Variants in PCDHGA2 observed in about 807,000 individuals in gnomAD.
PCDHGA2 encodes protocadherin gamma subfamily A, 2.
PCDHGA2 carries 40 observed loss-of-function variants against 59.2 expected under a neutral mutation model. The ratio of observed to expected loss-of-function variants is 0.68; its 90% confidence interval spans 0.52 to 0.88. PCDHGA2 has a LOEUF of 0.88. Ranked by LOEUF, PCDHGA2 falls within the 40% of genes least tolerant of loss-of-function variation. PCDHGA2 has a pLI of 0.00. For synonymous variants in PCDHGA2, 560 were observed against 526.0 expected, an observed-to-expected ratio of 1.06 and a Z score of -0.89; for missense variants, 1,226 against 1,204.0, an observed-to-expected ratio of 1.02 and a Z score of -0.27.
chr5:141,509,872 G>T (rs968745661), intron 3 of PCDHGA2, among the ~76,000 whole-genome samples: 16 of 152,166 alleles, frequency 1.1e-4, no homozygotes, highest in Non-Finnish European at 1.5e-5. Context: ...CCAAGCTGCT[G>T]GTGGTGATGG....
In PCDHGA2 at chr5:141,340,211, C is replaced by G; in HGVS notation, c.1240C>G (p.Gln414Glu). 6.2e-7 allele frequency: 1 copy of G among 1,614,140 alleles called. No individual in the cohort carries two copies. The highest frequency in any genetic ancestry group is 1.1e-5 in the South Asian group (1 of 91,084). The change falls in exon 1 of 4, where the codon CAG (glutamine) becomes GAG (glutamate). Residue 414 changes from glutamine (Q) to glutamate (E), a missense_variant. Physicochemically the swap from Gln to Glu is conservative, Grantham distance 29 (BLOSUM62 2). Transcript: ENST00000394576. ...TACAACCAGAGCCCTTGACAGGGAA[C>G]AGTTTTCCTTTTACAACATCACTCT... is the stretch of plus-strand genomic sequence containing the variant. ...LVTTRALDRE[Q>E]FSFYNITLTA...
At chr5:141,503,005 G>A (rs915064303) in intron 2 of PCDHGA2, among the ~76,000 whole-genome samples, 16 of 145,340 alleles carry the variant, frequency 1.1e-4, no homozygotes, top group African/African-American at 2.3e-4. Flanking sequence ...CACCATGCCC[G>A]GTTAATTTTT....
At chr5:141,357,135 C>T in intron 1 of PCDHGA2, 2 of 1,613,502 alleles carry the variant, frequency 1.2e-6, no homozygotes. Flanking sequence ...TTGTAGTGGT[C>T]GTCCAGGACC....
intron 1 of PCDHGA2, chr5:141,365,824 G>A: frequency 1.2e-6 from 2 of 1,613,926 alleles, no homozygotes; most frequent in Non-Finnish European, 1.7e-6. Context: ...CATTTCAGGG[G>A]GCGCCCTTGT....
At chr5:141,351,495 C>G (rs750823337) in intron 1 of PCDHGA2, 6 of 1,613,980 alleles carry the variant, frequency 3.7e-6, no homozygotes, top group Non-Finnish European at 5.1e-6. Flanking sequence ...GAGCAGACAG[C>G]AGACTACAAC....
chr5:141,384,372 G>C, intron 1 of PCDHGA2: 1 of 1,613,854 alleles, frequency 6.2e-7, no homozygotes, highest in South Asian at 1.1e-5. Context: ...CTTATTCCTT[G>C]GCCGAAGACA....
intron 1 of PCDHGA2, chr5:141,394,651 A>G: frequency 6.2e-7 from 1 of 1,611,802 alleles, no homozygotes; most frequent in Admixed American, 1.7e-5. Flanking sequence ...AAGGCCAGCG[A>G]GCCGGGACTC....
rs753538822 is a variant in PCDHGA2, at chr5:141,476,676, G to C, written c.2425-18131G>C. 6 of 1,614,222 alleles carry C rather than the reference G, an allele frequency of 3.7e-6. No individual in the cohort carries two copies. Among genetic ancestry groups the C allele is most frequent in the Non-Finnish European group, 4.2e-6 (5 of 1,180,054 alleles). ...TACTTTGCGCTTCGCGTGCAGACGCGGGAGGACAGCACCAAGTACGCGGAG... is the reference window on the plus strand; with the variant it reads ...TACTTTGCGCTTCGCGTGCAGACGCCGGAGGACAGCACCAAGTACGCGGAG... On this transcript the variant is annotated intron_variant, in intron 1 of 3. Transcript: ENST00000394576. The surrounding 1 kb of genome is among the most constrained non-coding windows in gnomAD (Gnocchi z 7.6).
chr5:141,477,211 C>G lies in PCDHGA2; in HGVS notation c.2425-17596C>G. 2 of 1,614,154 alleles carry G rather than the reference C, an allele frequency of 1.2e-6. No individual in the cohort carries two copies. Among genetic ancestry groups the G allele is most frequent in the Non-Finnish European group, 1.7e-6 (2 of 1,180,036 alleles). On this transcript the variant is annotated intron_variant, in intron 1 of 3. Transcript: ENST00000394576. The surrounding 1 kb of genome is among the most constrained non-coding windows in gnomAD (Gnocchi z 4.9). ...TGTACAGCCCAGTACCCGAGGATGC[C>G]CCTCTGGGGACTGTCATCGCTTTGC...
intron 1 of PCDHGA2, among the ~76,000 whole-genome samples, chr5:141,347,171 CTTTCTTT>C: frequency 6.9e-6 from 1 of 144,420 alleles, no homozygotes; most frequent in South Asian, 2.2e-4. Context: ...TTCTTTCTTT[CTTTCTTT>C]CTTGACAGGG....
At chr5:141,392,751 A>T in intron 1 of PCDHGA2, 1 of 1,453,336 alleles carries the variant, frequency 6.9e-7, no homozygotes, top group South Asian at 1.5e-5. Flanking sequence ...CTGCGGCAAG[A>T]AACTAAATAA....
At chr5:141,415,656 T>C (rs1211470385) in intron 1 of PCDHGA2, 9 of 1,585,542 alleles carry the variant, frequency 5.7e-6, no homozygotes, top group African/African-American at 1.4e-5. Flanking sequence ...AAAAAAAGAT[T>C]GGTTTTTACT....
chr5:141,421,102 T>A (rs1420706532), intron 1 of PCDHGA2: 2 of 691,286 alleles, frequency 2.9e-6, no homozygotes, highest in Admixed American at 6.2e-5. Context: ...CACTGGAGAC[T>A]TAGAAGTATT....
At chr5:141,413,922 A>G (rs769177990) in intron 1 of PCDHGA2, 2 of 1,613,458 alleles carry the variant, frequency 1.2e-6, no homozygotes, top group Non-Finnish European at 1.7e-6. Context: ...TCACCTTGCC[A>G]GAATACCGAG....
Position 141,344,216 on chromosome 5 carries a change from G to A in PCDHGA2, c.2424+2821G>A, listed in dbSNP as rs199728541. 1.1e-3 allele frequency: 1,713 copies of A among 1,614,038 alleles called. 2 individuals carry two copies. The highest frequency in any genetic ancestry group is 1.4e-3 in the Non-Finnish European group (1,641 of 1,179,912). On this transcript the variant is annotated intron_variant, in intron 1 of 3. Transcript: ENST00000394576. Reference sequence around the variant, plus strand: ...GGCTAGAGCCCCGGGAGCTGGCGGAGCGCGGAGTCCGCATCGTCTCCAGAG... The same window carrying A: ...GGCTAGAGCCCCGGGAGCTGGCGGAACGCGGAGTCCGCATCGTCTCCAGAG...
At chr5:141,357,014 C>T in intron 1 of PCDHGA2, 2 of 1,614,130 alleles carry the variant, frequency 1.2e-6, no homozygotes, top group Non-Finnish European at 1.7e-6. Context: ...GCCTGGCTGT[C>T]CTACAGCCTA....
Position 141,341,398 on chromosome 5 carries a change from A to C in PCDHGA2, c.2424+3A>C, listed in dbSNP as rs1213840983. The stretch of plus-strand genomic sequence containing the variant: ...AAAGAGAAGAAACGTTTTCTCAGGT[A>C]ATCTATCTTTTCACAACATACGTAC... On this transcript the variant is annotated splice_donor_region_variant and intron_variant, in intron 1 of 3. Coordinates refer to ENST00000394576, the MANE Select transcript of PCDHGA2 (RefSeq NM_018915.4). 1.9e-6 allele frequency: 3 copies of C among 1,614,058 alleles called. No homozygotes were observed. In the African/African-American group the frequency reaches 4.0e-5, roughly 22 times the overall value.
chr5:141,448,515 T>C (rs1158968509), intron 1 of PCDHGA2, among the ~76,000 whole-genome samples: 1 of 152,212 alleles, frequency 6.6e-6, no homozygotes, highest in Non-Finnish European at 1.5e-5. Flanking sequence ...TTTATAACTT[T>C]ATTAAGCATC....
At chr5:141,423,193 T>A in intron 1 of PCDHGA2, 2 of 1,613,564 alleles carry the variant, frequency 1.2e-6, no homozygotes, top group Non-Finnish European at 1.7e-6. Context: ...GCCCCCTCTC[T>A]CGGCCACCGT....
Sources: allele counts gnomAD v4.1 joint callset (sites outside exome capture counted in the v4.1 genomes callset), GRCh38; gene constraint gnomAD v4.1.1; non-coding constraint Gnocchi (gnomAD v3.1); transcripts MANE v1.5; gene names NCBI Gene and HGNC (gene_info 2026-07-23, HGNC 2026-07-21).